Variants in BICC1 observed in about 807,000 individuals in gnomAD.
BICC1 encodes the protein BicC family RNA binding protein 1.
A neutral mutation model predicts 111.0 loss-of-function variants in BICC1; 43 were observed. That is an observed-to-expected ratio of 0.39 (90% CI 0.30 to 0.50). The LOEUF (loss-of-function observed/expected upper bound fraction) is 0.50, where lower values mean the gene tolerates loss of function less well. BICC1 is among the 20% of genes least tolerant of loss of function. The probability of loss-of-function intolerance (pLI) is 0.88; values close to 1 mark genes in which losing one functional copy is unlikely to be tolerated. For synonymous variants in BICC1, 467 were observed against 434.4 expected, an observed-to-expected ratio of 1.07 and a Z score of -0.93; for missense variants, 1,091 against 1,203.2, an observed-to-expected ratio of 0.91 and a Z score of 1.38.
At chr10:58,751,515 G>A (rs1004101493) in intron 3 of BICC1, among the ~76,000 whole-genome samples, 8 of 152,086 alleles carry the variant, frequency 5.3e-5, no homozygotes, top group Non-Finnish European at 1.2e-4. Context: ...GAAGTAACGT[G>A]CCCAGTGGGA....
chr10:58,774,192 G>C (rs1842691185), intron 3 of BICC1, among the ~76,000 whole-genome samples: 1 of 152,150 alleles, frequency 6.6e-6, no homozygotes, highest in Non-Finnish European at 1.5e-5. Flanking sequence ...AAGTATGTCA[G>C]TAAAATATTA....
intron 2 of BICC1, among the ~76,000 whole-genome samples, chr10:58,696,068 T>G (rs1485945129): frequency 6.6e-6 from 1 of 152,178 alleles, no homozygotes; most frequent in Non-Finnish European, 1.5e-5. Flanking sequence ...TTGTAAACAT[T>G]ACCTTCCCTT....
chr10:58,711,326 A>AC (rs935030644), intron 3 of BICC1, among the ~76,000 whole-genome samples: 29 of 152,186 alleles, frequency 1.9e-4, no homozygotes, highest in Non-Finnish European at 2.8e-4. Flanking sequence ...GAGAACAGAG[A>AC]CCTGGGCCAT....
intron 8 of BICC1, among the ~76,000 whole-genome samples, chr10:58,790,743 T>C: frequency 6.6e-6 from 1 of 152,196 alleles, no homozygotes; most frequent in Non-Finnish European, 1.5e-5. Flanking sequence ...GAGAATTGCT[T>C]GAACCCAGAA....
At chr10:58,581,957 T>C (rs1201368106) in intron 1 of BICC1, among the ~76,000 whole-genome samples, 1 of 152,134 alleles carries the variant, frequency 6.6e-6, no homozygotes, top group Non-Finnish European at 1.5e-5. Context: ...TTGTCCTCTC[T>C]CCCACCACCC....
At chr10:58,531,953 T>C (rs1842692688) in intron 1 of BICC1, among the ~76,000 whole-genome samples, 1 of 151,770 alleles carries the variant, frequency 6.6e-6, no homozygotes, top group East Asian at 1.9e-4. Flanking sequence ...TGAATCAATA[T>C]ATGCATTACA....
intron 3 of BICC1, among the ~76,000 whole-genome samples, chr10:58,743,691 C>T (rs1275181239): frequency 1.3e-5 from 2 of 151,926 alleles, no homozygotes; most frequent in East Asian, 3.9e-4. Flanking sequence ...GCAGCAGAAT[C>T]CCCCAGGTTG....
chr10:58,816,111 C>T (rs1051148873), intron 18 of BICC1, among the ~76,000 whole-genome samples: 1 of 151,924 alleles, frequency 6.6e-6, no homozygotes, highest in Non-Finnish European at 1.5e-5. Context: ...AACTCTTTTA[C>T]TCTCGAAAAA....
intron 2 of BICC1, among the ~76,000 whole-genome samples, chr10:58,639,565 TTG>T (rs1369017947): frequency 1.9e-4 from 6 of 31,430 alleles, no homozygotes; most frequent in East Asian, 9.6e-4. Context: ...ACCCAGCTAA[TTG>T]TTTTTTTTTT....
intron 3 of BICC1, among the ~76,000 whole-genome samples, chr10:58,734,304 G>A (rs1305969912): frequency 6.6e-6 from 1 of 152,152 alleles, no homozygotes; most frequent in Non-Finnish European, 1.5e-5. Context: ...TGTTCATTCT[G>A]GAAAAGTTTG....
intron 15 of BICC1, 146 bp from the exon 16 acceptor site, chr10:58,806,438 A>G (rs1843710024): frequency 1.4e-6 from 1 of 691,410 alleles, no homozygotes; most frequent in Non-Finnish European, 2.6e-6. Flanking sequence ...CATACCTTGG[A>G]TTTCTGTGGC....
At chr10:58,533,754 C>G (rs1321513934) in intron 1 of BICC1, among the ~76,000 whole-genome samples, 2 of 151,636 alleles carry the variant, frequency 1.3e-5, no homozygotes, top group Non-Finnish European at 2.9e-5. Flanking sequence ...ATATAAAGCT[C>G]TCTGGTGAAA....
At chr10:58,732,591 G>A (rs1033464174) in intron 3 of BICC1, among the ~76,000 whole-genome samples, 6 of 150,742 alleles carry the variant, frequency 4.0e-5, no homozygotes, top group African/African-American at 7.4e-5. Flanking sequence ...GACCAGCCTG[G>A]GCAACATGGT....
intron 2 of BICC1, among the ~76,000 whole-genome samples, chr10:58,639,777 A>G (rs1247296325): frequency 1.5e-5 from 2 of 137,892 alleles, no homozygotes; most frequent in South Asian, 4.6e-4. Context: ...GCTGGGGTAC[A>G]TCTTGGCTCA....
intron 2 of BICC1, among the ~76,000 whole-genome samples, chr10:58,667,509 AG>A (rs60129804): frequency 1 from 152,045 of 152,046 alleles, 76,022 homozygotes; most frequent in Non-Finnish European, 1. Flanking sequence ...TCCCTTTCAA[AG>A]GTCTGGATGG....
chr10:58,529,998 G>A (rs545133352), intron 1 of BICC1, among the ~76,000 whole-genome samples: 8 of 151,784 alleles, frequency 5.3e-5, no homozygotes, highest in South Asian at 2.1e-4. Context: ...GACTAGTGAG[G>A]CCATCTACAA....
intron 20 of BICC1, among the ~76,000 whole-genome samples, chr10:58,827,204 T>C (rs142708812): frequency 1.9e-4 from 29 of 152,124 alleles, no homozygotes; most frequent in Non-Finnish European, 3.7e-4. Context: ...ACATGGTACT[T>C]TATGGAAAGG....
chr10:58,720,690 C>T (rs751767581), intron 3 of BICC1, among the ~76,000 whole-genome samples: 9 of 152,080 alleles, frequency 5.9e-5, no homozygotes, highest in Non-Finnish European at 1.2e-4. Context: ...TAGAGGAGAT[C>T]GGTGACAGCC....
At chr10:58,655,782 C>T (rs1838622819) in intron 2 of BICC1, among the ~76,000 whole-genome samples, 1 of 136,330 alleles carries the variant, frequency 7.3e-6, no homozygotes, top group South Asian at 2.6e-4. Flanking sequence ...GGGAATGCTT[C>T]CAGTTTTTGC....
Sources: gnomAD v4.1 joint callset for allele counts (sites outside exome capture counted in the v4.1 genomes callset) on GRCh38, gnomAD v4.1.1 for gene constraint, MANE v1.5 for transcripts, NCBI Gene and HGNC (gene_info 2026-07-23, HGNC 2026-07-21) for gene names.